Variants in CENPI observed in about 807,000 individuals in gnomAD.
CENPI encodes FSH primary response 1.
A neutral mutation model predicts 60.4 loss-of-function variants in CENPI; 4 were observed. The observed-to-expected ratio is 0.07, with a 90% CI of 0.03 to 0.15. The LOEUF (loss-of-function observed/expected upper bound fraction) is 0.15. Ranked by LOEUF, CENPI falls within the 10% of genes least tolerant of loss-of-function variation. The pLI is 1.00. For synonymous variants in CENPI, 157 were observed against 189.4 expected (o/e 0.83, Z 1.40); for missense variants, 444 against 534.5 (o/e 0.83, Z 1.67).
intron 15 of CENPI, among the ~76,000 whole-genome samples, chrX:101,138,613 A>G (rs191979656): frequency 0.022 from 2,353 of 109,218 alleles, 56 homozygotes; most frequent in African/African-American, 0.075. Context: ...GGCGTGAGCC[A>G]CCACGCCCAG....
chrX:101,109,075 G>GTTTTTT (rs869245080), intron 4 of CENPI, among the ~76,000 whole-genome samples: 19 of 47,306 alleles, frequency 4.0e-4, no homozygotes, highest in South Asian at 1.3e-3. Context: ...GAGGTGTGGT[G>GTTTTTT]TTTTTTTTTT....
At chrX:101,175,125 A>G in the CENPI span, among the ~76,000 whole-genome samples, 4 of 112,371 alleles carry the variant, frequency 3.6e-5, no homozygotes, top group African/African-American at 9.7e-5. Context: ...AACAAAAAAA[A>G]CCAAGTCGAA....
chrX:101,107,270 G>C (rs1304105451), intron 4 of CENPI, among the ~76,000 whole-genome samples: 1 of 109,575 alleles, frequency 9.1e-6, no homozygotes, highest in Non-Finnish European at 1.9e-5. Flanking sequence ...CAGTCTATTA[G>C]GCCATTAAAA....
intron 20 of CENPI, among the ~76,000 whole-genome samples, chrX:101,159,446 G>A (rs2090086083): frequency 9.1e-6 from 1 of 109,851 alleles, no homozygotes; most frequent in African/African-American, 3.3e-5. Context: ...ACAGGTGTGA[G>A]CCACCGCGCC....
At chrX:101,172,544 T>C in the CENPI span, among the ~76,000 whole-genome samples, 3,337 of 111,568 alleles carry the variant, frequency 0.03, 54 homozygotes, top group Non-Finnish European at 0.048. Flanking sequence ...AAAACACATA[T>C]TTTGTGGTTC....
downstream of CENPI, among the ~76,000 whole-genome samples, chrX:101,170,635 CTT>C (rs1045266274): frequency 8.1e-5 from 9 of 111,180 alleles, no homozygotes; most frequent in African/African-American, 2.9e-4. Context: ...CCAAAGCAGT[CTT>C]TTTTCTTTTT....
chrX:101,116,541 A>G (rs918901106), intron 6 of CENPI, among the ~76,000 whole-genome samples: 8 of 111,661 alleles, frequency 7.2e-5, no homozygotes, highest in African/African-American at 2.6e-4. Flanking sequence ...TGCTGATAAC[A>G]AGGGATGACT....
downstream of CENPI, among the ~76,000 whole-genome samples, chrX:101,170,966 T>C (rs1482030371): frequency 9.0e-6 from 1 of 111,663 alleles, no homozygotes; most frequent in African/African-American, 3.3e-5. Context: ...CAACTGGCAT[T>C]TTACAGAAAT....
chrX:101,114,662 A>G (rs1170192669), intron 6 of CENPI, among the ~76,000 whole-genome samples: 1 of 112,179 alleles, frequency 8.9e-6, no homozygotes, highest in African/African-American at 3.2e-5. Context: ...CCCCTGAGAC[A>G]GAGTTTCACT....
chrX:101,164,164 A>G lies in CENPI; in HGVS notation c.*1197A>G, dbSNP rs1166277674. 9.0e-6 allele frequency among the ~76,000 whole-genome samples: 1 copy of G among 111,294 alleles called. No individual in the cohort carries two copies. Among genetic ancestry groups the G allele is most frequent in the Non-Finnish European group, 1.9e-5 (1 of 53,085 alleles). On this transcript the variant is annotated 3_prime_UTR_variant, in exon 22 of 22. Coordinates refer to ENST00000682095, the MANE Select transcript of CENPI (RefSeq NM_001386188.2). ...GGTTCTTTTTTTTCCCCATTTAAAAAACAAACCCTAAACTATATTATTGGA... is the reference window on the plus strand; with the variant it reads ...GGTTCTTTTTTTTCCCCATTTAAAAGACAAACCCTAAACTATATTATTGGA...
intron 20 of CENPI, among the ~76,000 whole-genome samples, chrX:101,158,380 C>T (rs2090074119): frequency 9.7e-6 from 1 of 103,421 alleles, no homozygotes; most frequent in African/African-American, 3.6e-5. Context: ...TGGGTTCAAG[C>T]GATTCTCCTG....
chrX:101,134,984 A>C (rs1404396939), intron 15 of CENPI, among the ~76,000 whole-genome samples: 4 of 109,346 alleles, frequency 3.7e-5, no homozygotes, highest in African/African-American at 1.3e-4. Flanking sequence ...ACTGCACTCC[A>C]GTCTGGGCAA....
At chrX:101,146,076 G>T in intron 17 of CENPI, 77 bp from the exon 18 acceptor site, 2 of 926,979 alleles carry the variant, frequency 2.2e-6, no homozygotes, top group South Asian at 2.5e-5. Context: ...ATCTTGTACT[G>T]ATGATTCTTT....
chrX:101,154,303 C>T (rs1174326544), intron 20 of CENPI, among the ~76,000 whole-genome samples: 1 of 111,647 alleles, frequency 9.0e-6, no homozygotes, highest in Non-Finnish European at 1.9e-5. Context: ...CATGGTGGCT[C>T]ACACCTGTAA....
At chrX:101,112,188 T>C (rs998336548) in intron 6 of CENPI, among the ~76,000 whole-genome samples, 3 of 112,290 alleles carry the variant, frequency 2.7e-5, no homozygotes, top group African/African-American at 9.7e-5. Flanking sequence ...AAGTGAAAAA[T>C]CAAAGTTTGG....
chrX:101,161,634 A>T (rs72615569), intron 21 of CENPI, 65 bp downstream of exon 21: 248,831 of 1,039,122 alleles, frequency 0.24, 20,693 homozygotes, highest in South Asian at 0.34. Flanking sequence ...AAGAGAATTT[A>T]TACTTTTCCT....
At chrX:101,171,047 A>G (rs1467821388), downstream of CENPI, among the ~76,000 whole-genome samples, 1 of 112,353 alleles carries the variant, frequency 8.9e-6, no homozygotes, top group Non-Finnish European at 1.9e-5. Context: ...TATTATTTCA[A>G]TAATCAAAAC....
rs376910902 is a variant in CENPI at position 101,150,142 on chromosome X, CATA to C, written c.2094+1986_2094+1988del. On this transcript the variant is annotated intron_variant, in intron 20 of 21. Transcript: ENST00000682095. ...TTGTCTTTTTCTCTTTTCTTACCTT[CATA>C]ATAACTTGATTTATCATACAATATA... is the stretch of plus-strand genomic sequence containing the variant. 5.4e-3 allele frequency among the ~76,000 whole-genome samples: 585 copies of C among 107,807 alleles called. 4 individuals are homozygous for C. The highest frequency in any genetic ancestry group is 0.016 in the African/African-American group (476 of 29,560). 93.6% of individuals were successfully genotyped at this position (107,807 alleles called of 115,157 possible). A position where few individuals can be genotyped will look rare whatever the true frequency, so the allele number is the denominator to read the frequency against.
rs191094526 is a variant in CENPI, at chrX:101,158,508, C to T, written c.2095-3020C>T. Among the ~76,000 whole-genome samples the T allele has an allele frequency of 2.7e-5, 3 of 110,333 alleles. No homozygotes were observed. The East Asian group carries it at 8.5e-4, about 31-fold the overall frequency. On this transcript the variant is annotated intron_variant, in intron 20 of 21. Coordinates refer to ENST00000682095, the MANE Select transcript of CENPI (RefSeq NM_001386188.2). ...GACCAGGCTGGTTTGAACTCCTGACCACAGGTGACCCACCTGCCTCAACCT... is the reference window on the plus strand; with the variant it reads ...GACCAGGCTGGTTTGAACTCCTGACTACAGGTGACCCACCTGCCTCAACCT...
Sources: allele counts gnomAD v4.1 joint callset (sites outside exome capture counted in the v4.1 genomes callset), GRCh38; gene constraint gnomAD v4.1.1; transcripts MANE v1.5; gene names NCBI Gene and HGNC (gene_info 2026-07-23, HGNC 2026-07-21).